GALNT5: variants seen among roughly 807,000 people sequenced by gnomAD.
GALNT5 encodes the protein polypeptide N-acetylgalactosaminyltransferase 5.
A neutral mutation model predicts 85.4 loss-of-function variants in GALNT5; 72 were observed. That is an observed-to-expected ratio of 0.84 (90% CI 0.70 to 1.03). The LOEUF (loss-of-function observed/expected upper bound fraction) is 1.03. Among genes scored for constraint, GALNT5 ranks in the 50% least tolerant of loss-of-function variants. The pLI is 0.00. For missense variants in GALNT5, 1,137 were observed against 1,135.5 expected, an observed-to-expected ratio of 1.00 and a Z score of -0.02; for synonymous variants, 404 against 397.0, an observed-to-expected ratio of 1.02 and a Z score of -0.21.
intron 1 of GALNT5, among the ~76,000 whole-genome samples, chr2:157,266,661 G>A (rs964063415): frequency 2.0e-5 from 3 of 152,140 alleles, no homozygotes; most frequent in Non-Finnish European, 4.4e-5. Context: ...TTACAGTTGA[G>A]AAGAGTGAGA....
chr2:157,277,461 CTT>C (rs770602276), intron 1 of GALNT5, among the ~76,000 whole-genome samples: 4 of 152,262 alleles, frequency 2.6e-5, no homozygotes, highest in South Asian at 2.1e-4. Context: ...GTCTAAGTCT[CTT>C]TGTAGATCTC....
intron 7 of GALNT5, among the ~76,000 whole-genome samples, 158 bp from the exon 8 acceptor site, chr2:157,305,591 G>T (rs1369926710): frequency 6.6e-6 from 1 of 152,220 alleles, no homozygotes; most frequent in Non-Finnish European, 1.5e-5. Context: ...GTCTCTGTTA[G>T]AGATAGCAAC....
intron 3 of GALNT5, among the ~76,000 whole-genome samples, chr2:157,287,263 C>T (rs951797957): frequency 6.6e-6 from 1 of 152,056 alleles, no homozygotes; most frequent in Non-Finnish European, 1.5e-5. Flanking sequence ...TTTTAGTATC[C>T]ATTGATCATC....
rs1436895636 is a variant in GALNT5 at position 157,301,353 on chromosome 2, A to AAT, written c.2439+358_2439+359dup. ...ATAAGCAAGTCAAGTGTAAATACAA[A>AAT]ATATAATAGCTCTCATTTAGGGAAC... On this transcript the variant is annotated intron_variant, in intron 7 of 9. Coordinates refer to ENST00000259056, the MANE Select transcript of GALNT5 (RefSeq NM_014568.3). 365 of 279,088 alleles carry AAT rather than the reference A, an allele frequency of 1.3e-3. 4 individuals carry two copies. Among genetic ancestry groups the AAT allele is most frequent in the African/African-American group, 7.0e-3 (320 of 45,706 alleles). 17.3% of individuals were successfully genotyped at this position (279,088 alleles called of 1,614,324 possible). A position where few individuals can be genotyped will look rare whatever the true frequency, so the allele number is the denominator to read the frequency against.
At chr2:157,280,563 T>C (rs901063270) in intron 1 of GALNT5, among the ~76,000 whole-genome samples, 7 of 152,228 alleles carry the variant, frequency 4.6e-5, no homozygotes, top group Non-Finnish European at 1.0e-4. Context: ...TGGTAATTTG[T>C]CATGGCAGTC....
At chr2:157,273,130 TA>T (rs1186067711) in intron 1 of GALNT5, among the ~76,000 whole-genome samples, 11 of 152,194 alleles carry the variant, frequency 7.2e-5, no homozygotes, top group Admixed American at 6.5e-4. Flanking sequence ...CATTGTGCTC[TA>T]GCCCCACCAA....
At chr2:157,265,550 T>C (rs370772282) in intron 1 of GALNT5, among the ~76,000 whole-genome samples, 2 of 152,222 alleles carry the variant, frequency 1.3e-5, no homozygotes, top group Non-Finnish European at 2.9e-5. Context: ...GTAGTTAGTA[T>C]ATGCAGGAAT....
chr2:157,291,626 A>C (rs1574027219), intron 3 of GALNT5, among the ~76,000 whole-genome samples: 1 of 67,542 alleles, frequency 1.5e-5, no homozygotes, highest in African/African-American at 3.8e-5. Flanking sequence ...GTTTTATGTT[A>C]CCACCCACCC....
At chr2:157,277,981 A>C (rs1682774280) in intron 1 of GALNT5, among the ~76,000 whole-genome samples, 1 of 152,164 alleles carries the variant, frequency 6.6e-6, no homozygotes, top group South Asian at 2.1e-4. Context: ...TTCCATGTTT[A>C]GTGCTTCCTT....
At chr2:157,266,077 A>T (rs1466831388) in intron 1 of GALNT5, among the ~76,000 whole-genome samples, 1 of 152,202 alleles carries the variant, frequency 6.6e-6, no homozygotes, top group Admixed American at 6.5e-5. Context: ...ATAATAGCAG[A>T]TATTTCAGAC....
chr2:157,298,471 G>A lies in GALNT5; in HGVS notation c.1998-1077G>A, dbSNP rs185978050. Among the ~76,000 whole-genome samples the A allele has an allele frequency of 5.8e-4, 88 of 152,212 alleles. 1 individual carries two copies. Among genetic ancestry groups the A allele is most frequent in the African/African-American group, 2.0e-3 (85 of 41,520 alleles). ...GACCTTCCCTTCATCTGCACAGGGC[G>A]CCAATTCACCGCAGCCTTTCATTAG... On this transcript the variant is annotated intron_variant, in intron 5 of 9. Transcript: ENST00000259056.
chr2:157,292,580 T>C (rs780140394), intron 3 of GALNT5, among the ~76,000 whole-genome samples: 1 of 152,198 alleles, frequency 6.6e-6, no homozygotes, highest in Admixed American at 6.5e-5. Flanking sequence ...CTGCTGCCAC[T>C]GGGGACTGAG....
intron 1 of GALNT5, among the ~76,000 whole-genome samples, chr2:157,274,680 G>GTT (rs1003934098): frequency 3.3e-5 from 5 of 151,770 alleles, no homozygotes; most frequent in African/African-American, 7.3e-5. Flanking sequence ...GGGGTTGTTT[G>GTT]TTTTTTTTCT....
intron 1 of GALNT5, among the ~76,000 whole-genome samples, chr2:157,262,953 G>A (rs895129098): frequency 1.4e-5 from 2 of 147,490 alleles, no homozygotes; most frequent in Non-Finnish European, 3.0e-5. Flanking sequence ...TCAGCCTCCC[G>A]AGTAGCTGGG....
intron 1 of GALNT5, among the ~76,000 whole-genome samples, chr2:157,282,397 C>T (rs1412501511): frequency 6.6e-6 from 1 of 151,842 alleles, no homozygotes. Context: ...ATTCTTGGGC[C>T]CTCAGCAAAC....
intron 7 of GALNT5, among the ~76,000 whole-genome samples, chr2:157,303,284 T>A (rs761023864): frequency 6.6e-6 from 1 of 152,208 alleles, no homozygotes; most frequent in Non-Finnish European, 1.5e-5. Flanking sequence ...AAAGTTTTGG[T>A]TTTTTGTAAT....
Position 157,258,400 on chromosome 2 carries a change from C to T in GALNT5, c.318C>T (p.Asp106=), listed in dbSNP as rs750046899. 1 of 1,610,748 alleles carries T rather than the reference C, an allele frequency of 6.2e-7. No individual in the cohort carries two copies. Among genetic ancestry groups the T allele is most frequent in the Admixed American group, 1.7e-5 (1 of 59,434 alleles). Residue 106 remains aspartate, a synonymous_variant, in exon 1 of 10, where the codon GAC becomes GAT. Coordinates refer to ENST00000259056, the MANE Select transcript of GALNT5 (RefSeq NM_014568.3). ...TGCTCAAGGTTGAGGTGGACTTGGACCAAACCCAGAGGGAAAGAAAAATGC... is the reference window on the plus strand; with the variant it reads ...TGCTCAAGGTTGAGGTGGACTTGGATCAAACCCAGAGGGAAAGAAAAATGC... ...ESVLKVEVDL[D]QTQRERKMQN... is the part of the protein sequence containing the mutation.
At chr2:157,280,888 T>C (rs1463296056) in intron 1 of GALNT5, among the ~76,000 whole-genome samples, 1 of 152,200 alleles carries the variant, frequency 6.6e-6, no homozygotes, top group Admixed American at 6.5e-5. Context: ...TTGCTTGCTC[T>C]GTCATGTAAC....
intron 1 of GALNT5, among the ~76,000 whole-genome samples, chr2:157,272,622 C>T (rs6746085): frequency 0.18 from 27,194 of 152,022 alleles, 5,546 homozygotes; most frequent in African/African-American, 0.5. Flanking sequence ...AGTGAGAACA[C>T]GTGATATTTG....
Sources: gnomAD v4.1 joint callset for allele counts (sites outside exome capture counted in the v4.1 genomes callset) on GRCh38, gnomAD v4.1.1 for gene constraint, MANE v1.5 for transcripts, NCBI Gene and HGNC (gene_info 2026-07-23, HGNC 2026-07-21) for gene names.